The following RNF38 variants were observed in gnomAD, a reference collection of about 807,000 sequenced individuals.
RNF38 encodes E3 ubiquitin-protein ligase RNF38.
RNF38 carries 15 observed loss-of-function variants against 67.2 expected under a neutral mutation model. The ratio of observed to expected loss-of-function variants is 0.22; its 90% confidence interval spans 0.15 to 0.34. RNF38 has a LOEUF of 0.34. Ranked by LOEUF, RNF38 falls within the 10% of genes least tolerant of loss-of-function variation. The pLI, the probability that RNF38 is intolerant of heterozygous loss-of-function variation, is 1.00. For synonymous variants in RNF38, 220 were observed against 218.8 expected, an observed-to-expected ratio of 1.01 and a Z score of -0.05; for missense variants, 524 against 639.9, an observed-to-expected ratio of 0.82 and a Z score of 1.95.
chr9:36,350,356 A>G (rs572800390), intron 9 of RNF38, among the ~76,000 whole-genome samples: 1 of 152,250 alleles, frequency 6.6e-6, no homozygotes, highest in African/African-American at 2.4e-5. Flanking sequence ...ACTCTTCACA[A>G]GTACTGATGC....
chr9:36,396,198 G>GT lies in RNF38; in HGVS notation c.12+3898dup, dbSNP rs77687066. Among the ~76,000 whole-genome samples the GT allele has an allele frequency of 1.0e-3, 154 of 152,320 alleles. 5 individuals carry two copies. The East Asian group carries it at 0.028, about 28-fold the overall frequency. ...ATCTTCCAAACTGTAAGCAAATGATGTAACAGCCTGCCTTTCTGATTTGTG... is the reference window on the plus strand; with the variant it reads ...ATCTTCCAAACTGTAAGCAAATGATGTTAACAGCCTGCCTTTCTGATTTGTG... On this transcript the variant is annotated intron_variant, in intron 1 of 11. Transcript: ENST00000259605.
intron 2 of RNF38, among the ~76,000 whole-genome samples, chr9:36,376,926 CAA>C (rs34112141): frequency 0.37 from 38,115 of 102,136 alleles, 4,097 homozygotes; most frequent in East Asian, 0.46. Flanking sequence ...GACTCTGTCT[CAA>C]AAAAAAAAAA....
chr9:36,442,164 G>C (rs372713938), intron 1 of RNF38, among the ~76,000 whole-genome samples: 1 of 152,002 alleles, frequency 6.6e-6, no homozygotes, highest in Non-Finnish European at 1.5e-5. Context: ...AGCTCAAACC[G>C]GCTGTCAACT....
At position 36,449,860 on chromosome 9, in the gene RNF38, T is replaced by A. The variant is rs370703215; in HGVS notation, n.242-25177A>T. ...GACTTCTCACTCAGGAGTTCCAATA[T>A]CATGTTTTATTTTTCATAGTTCTGC... is the stretch of plus-strand genomic sequence containing the variant. On this transcript the variant is annotated intron_variant and non_coding_transcript_variant, in intron 1 of 3. Transcript: ENST00000488058. 7.5e-4 allele frequency among the ~76,000 whole-genome samples: 114 copies of A among 152,294 alleles called. 2 individuals carry two copies. In the South Asian group the frequency reaches 0.022, roughly 30 times the overall value.
rs563700762 is a variant in RNF38 at position 36,438,578 on chromosome 9, CACTT to C, written n.242-13899_242-13896del. The stretch of plus-strand genomic sequence containing the variant: ...TCCCTCCACACCTTATCCCAATACA[CACTT>C]ACAAGCAGAAGAGTTTCAGTACATT... On this transcript the variant is annotated intron_variant and non_coding_transcript_variant, in intron 1 of 3. Transcript: ENST00000488058. Among the ~76,000 whole-genome samples, 32 of 152,122 alleles carry C rather than the reference CACTT, an allele frequency of 2.1e-4. 1 individual carries two copies. Among genetic ancestry groups the C allele is most frequent in the South Asian group, 1.2e-3 (6 of 4,820 alleles).
chr9:36,427,702 T>TCTAC (rs764172623), intron 1 of RNF38, among the ~76,000 whole-genome samples: 2,984 of 139,444 alleles, frequency 0.021, 51 homozygotes, highest in Admixed American at 0.053. Flanking sequence ...TATCTATCTA[T>TCTAC]CTACCTACCT....
At chr9:36,365,029 A>G (rs962661337) in intron 4 of RNF38, among the ~76,000 whole-genome samples, 3 of 152,222 alleles carry the variant, frequency 2.0e-5, no homozygotes, top group African/African-American at 7.2e-5. Flanking sequence ...AGATGAACAA[A>G]TAGGTGTGGT....
chr9:36,384,775 G>A (rs1836476571), intron 2 of RNF38, among the ~76,000 whole-genome samples: 1 of 152,210 alleles, frequency 6.6e-6, no homozygotes, highest in Admixed American at 6.5e-5. Context: ...AGGAAATGAT[G>A]TTAGACAAAA....
At chr9:36,400,292 G>C, upstream of RNF38, 42 of 1,296,022 alleles carry the variant, frequency 3.2e-5, no homozygotes, top group Non-Finnish European at 4.0e-5. Flanking sequence ...CCTTTCGACC[G>C]GGTTCCGCGT....
intron 2 of RNF38, among the ~76,000 whole-genome samples, chr9:36,380,834 A>T (rs1053744849): frequency 6.6e-6 from 1 of 152,148 alleles, no homozygotes; most frequent in Non-Finnish European, 1.5e-5. Flanking sequence ...AATGCAGGGG[A>T]AAAAAGGGAA....
intron 1 of RNF38, among the ~76,000 whole-genome samples, chr9:36,465,811 G>A (rs1839845290): frequency 6.6e-6 from 1 of 152,148 alleles, no homozygotes; most frequent in African/African-American, 2.4e-5. Context: ...AGCACTTTGG[G>A]AGGCCGAGGC....
chr9:36,469,346 A>G (rs1839941739), intron 1 of RNF38, among the ~76,000 whole-genome samples: 1 of 151,158 alleles, frequency 6.6e-6, no homozygotes, highest in African/African-American at 2.4e-5. Context: ...TTCCCCCACT[A>G]TTTTCAGTTC....
chr9:36,461,687 T>A (rs1564071923), intron 1 of RNF38, among the ~76,000 whole-genome samples: 2 of 152,098 alleles, frequency 1.3e-5, no homozygotes, highest in Non-Finnish European at 1.5e-5. Context: ...ACAAAATACA[T>A]TCTGGAGATG....
exon 2 of RNF38, chr9:36,424,656 T>A: frequency 1.0e-6 from 1 of 985,786 alleles, no homozygotes; most frequent in Non-Finnish European, 1.2e-6. Flanking sequence ...ATGGATGGAC[T>A]GGCACTGAAA....
chr9:36,374,469 G>A (rs528649432), intron 3 of RNF38, among the ~76,000 whole-genome samples: 2 of 152,274 alleles, frequency 1.3e-5, no homozygotes, highest in African/African-American at 4.8e-5. Flanking sequence ...TATGGTGGAG[G>A]ATGAGTTCCC....
chr9:36,357,832 T>A lies in RNF38; in HGVS notation c.681A>T (p.Pro227=). The change falls in exon 5 of 12, where the codon CCA becomes CCT. Residue 227 remains proline, a synonymous_variant. Coordinates refer to ENST00000259605, the MANE Select transcript of RNF38 (RefSeq NM_022781.5). ...GTCCACTGAAAACCACAGAGCATCCTGGGACCTGCTGTGTACTACAAGCAG... is the reference window on the plus strand; with the variant it reads ...GTCCACTGAAAACCACAGAGCATCCAGGGACCTGCTGTGTACTACAAGCAG... ...HIPACSTQQV[P]GCSVVFSGQH... is the part of the protein sequence containing the mutation. The A allele has an allele frequency of 6.2e-7, 1 of 1,613,902 alleles. No homozygotes were observed. Among genetic ancestry groups the A allele is most frequent in the African/African-American group, 1.3e-5 (1 of 75,026 alleles).
chr9:36,386,686 A>C (rs951480256), intron 2 of RNF38, among the ~76,000 whole-genome samples: 1 of 152,152 alleles, frequency 6.6e-6, no homozygotes, highest in African/African-American at 2.4e-5. Context: ...GCCGGCTAAA[A>C]CCCACTAAAA....
chr9:36,343,585 A>G (rs546143053), intron 10 of RNF38, among the ~76,000 whole-genome samples: 1 of 152,290 alleles, frequency 6.6e-6, no homozygotes, highest in African/African-American at 2.4e-5. Flanking sequence ...ACTGGCTATA[A>G]TAAAAAAAAA....
At chr9:36,356,256 A>T in intron 6 of RNF38, 47 bp downstream of exon 6, 1 of 1,584,874 alleles carries the variant, frequency 6.3e-7, no homozygotes, top group Non-Finnish European at 8.6e-7. Context: ...AAAAATTAAA[A>T]ATTAGTTAAA....
Sources: gnomAD v4.1 joint callset for allele counts (sites outside exome capture counted in the v4.1 genomes callset) on GRCh38, gnomAD v4.1.1 for gene constraint, MANE v1.5 for transcripts, NCBI Gene and HGNC (gene_info 2026-07-23, HGNC 2026-07-21) for gene names.